Variants in DHDH observed in about 807,000 individuals in gnomAD.
DHDH encodes trans-1,2-dihydrobenzene-1,2-diol dehydrogenase.
DHDH carries 29 observed loss-of-function variants against 33.2 expected under a neutral mutation model. That is an observed-to-expected ratio of 0.87 (90% confidence interval 0.65 to 1.19). The LOEUF is 1.19. DHDH is among the 50% of genes most tolerant of loss of function. DHDH has a pLI of 0.00. For synonymous variants in DHDH, 201 were observed against 187.9 expected (o/e 1.07, Z -0.57); for missense variants, 431 against 455.0 (o/e 0.95, Z 0.48).
intron 1 of DHDH, among the ~76,000 whole-genome samples, chr19:48,934,260 C>T (rs536959758): frequency 1.8e-3 from 267 of 152,346 alleles, no homozygotes; most frequent in Non-Finnish European, 2.0e-3. Flanking sequence ...GCACATTGCA[C>T]TGCGGAAAGC....
intron 3 of DHDH, among the ~76,000 whole-genome samples, chr19:48,936,714 AC>A (rs796441015): frequency 0.011 from 1,458 of 132,630 alleles, 20 homozygotes; most frequent in African/African-American, 0.027. Flanking sequence ...AAAAAAACAA[AC>A]AAAAAAAAAA....
rs748336676 is a variant in DHDH at position 48,944,930 on chromosome 19, C to T, written c.1002C>T (p.Arg334=). The change falls in exon 7 of 7, where the codon CGC becomes CGT. Residue 334 remains arginine, a synonymous_variant. Transcript: ENST00000221403. The part of the protein sequence containing the change: ...AIGVTFPQDK[R] ...GAGTCACCTTCCCCCAAGACAAACG[C>T]TGATGTATCCCCGAATAAATAAAGA... 2 of 1,613,350 alleles carry T rather than the reference C, an allele frequency of 1.2e-6. No homozygotes were observed. The highest frequency in any genetic ancestry group is 2.2e-5 in the South Asian group (2 of 91,056).
In DHDH at chr19:48,935,634, G is replaced by C. The variant is rs576266722; in HGVS notation, c.203-398G>C. ...AGATGGAGACCATCCTGGCTAATACGGTGAAACCGCATCTCCACTAAAAAT... is the reference window on the plus strand; with the variant it reads ...AGATGGAGACCATCCTGGCTAATACCGTGAAACCGCATCTCCACTAAAAAT... On this transcript the variant is annotated intron_variant, in intron 2 of 6. Coordinates refer to ENST00000221403, the MANE Select transcript of DHDH (RefSeq NM_014475.4). Among the ~76,000 whole-genome samples the C allele has an allele frequency of 8.6e-4, 131 of 151,800 alleles. 1 individual carries two copies. The highest frequency in any genetic ancestry group is 3.1e-3 in the African/African-American group (129 of 41,414).
Position 48,939,680 on chromosome 19 carries a change from G to A in DHDH, c.598G>A (p.Val200Met), listed in dbSNP as rs35453148. ...GGQKPEKISV[V>M]GRRHETGVDD... ...GCAGAAGCCAGAGAAGATTTCTGTC[G>A]TGGGAAGGCGTCATGAAACAGGTAC... is the stretch of plus-strand genomic sequence containing the variant. The change falls in exon 4 of 7, where the codon GTG (valine) becomes ATG (methionine). Residue 200 changes from valine (V) to methionine (M), a missense_variant. Transcript: ENST00000221403. The A allele has an allele frequency of 8.5e-5, 136 of 1,602,220 alleles. 1 individual carries two copies. The highest frequency in any genetic ancestry group is 4.5e-4 in the East Asian group (20 of 44,578).
rs1260928273 is a variant in DHDH at position 48,933,808 on chromosome 19, C to T, written c.87C>T (p.His29=). ...TGCAGACGCTGCCTCGCTCTGAGCA[C>T]CAGGTCTGCCCGCCCTCCGGATTCT... The part of the protein sequence containing the change: ...AVLQTLPRSE[H]QVVAVAARDL... Residue 29 remains histidine, a synonymous_variant, in exon 1 of 7, where the codon CAC becomes CAT. Transcript: ENST00000221403. 6.2e-7 allele frequency: 1 copy of T among 1,608,782 alleles called. No individual in the cohort carries two copies. The highest frequency in any genetic ancestry group is 1.1e-5 in the South Asian group (1 of 91,080).
At chr19:48,933,872 A>C in intron 1 of DHDH, 61 bp downstream of exon 1, 1 of 1,512,340 alleles carries the variant, frequency 6.6e-7, no homozygotes, top group Non-Finnish European at 9.0e-7. Flanking sequence ...CAGAGTCTAA[A>C]GGAGGAGGGA....
intron 4 of DHDH, 116 bp downstream of exon 4, chr19:48,939,817 C>T: frequency 7.0e-7 from 1 of 1,423,526 alleles, no homozygotes; most frequent in Non-Finnish European, 9.4e-7. Flanking sequence ...CCTAGAGGAA[C>T]AACTTTCCAT....
At chr19:48,943,943 C>T (rs528590955) in intron 5 of DHDH, among the ~76,000 whole-genome samples, 2 of 151,586 alleles carry the variant, frequency 1.3e-5, no homozygotes, top group Non-Finnish European at 2.9e-5. Flanking sequence ...TGCAGTGAAC[C>T]GAGATTGATC....
chr19:48,944,111 G>C (rs1256011084), intron 5 of DHDH, among the ~76,000 whole-genome samples: 1 of 152,054 alleles, frequency 6.6e-6, no homozygotes, highest in Non-Finnish European at 1.5e-5. Context: ...AAGCTCCTAA[G>C]GTTAGGGAGA....
intron 6 of DHDH, 93 bp from the exon 7 acceptor site, chr19:48,944,731 T>C: frequency 7.9e-7 from 1 of 1,272,610 alleles, no homozygotes; most frequent in Non-Finnish European, 1.1e-6. Flanking sequence ...GCCTGAACCA[T>C]GTATATTGTG....
chr19:48,943,483 G>A (rs1268445058), intron 5 of DHDH, among the ~76,000 whole-genome samples: 2 of 151,916 alleles, frequency 1.3e-5, no homozygotes, highest in Non-Finnish European at 2.9e-5. Context: ...CTTGAGCTCA[G>A]GAATTCAAGA....
At chr19:48,934,892 A>C in intron 1 of DHDH, 108 bp from the exon 2 acceptor site, 1 of 789,246 alleles carries the variant, frequency 1.3e-6, no homozygotes, top group Non-Finnish European at 1.9e-6. Context: ...CTCTTCCCCC[A>C]GGACCACGTC....
At chr19:48,936,911 G>C (rs2037785722) in intron 3 of DHDH, among the ~76,000 whole-genome samples, 1 of 150,936 alleles carries the variant, frequency 6.6e-6, no homozygotes, top group South Asian at 2.1e-4. Context: ...AGCCTCCCAA[G>C]TAGCTGGGAC....
At chr19:48,944,233 A>C in intron 5 of DHDH, 124 bp from the exon 6 acceptor site, 1 of 1,321,598 alleles carries the variant, frequency 7.6e-7, no homozygotes, top group Non-Finnish European at 1.1e-6. Context: ...GGGGATGGAC[A>C]GGGCAAGCTC....
At chr19:48,940,253 G>T (rs1241804152) in intron 4 of DHDH, among the ~76,000 whole-genome samples, 1 of 151,950 alleles carries the variant, frequency 6.6e-6, no homozygotes, top group Non-Finnish European at 1.5e-5. Context: ...TATCTGGGAG[G>T]CTGAGGCAGG....
chr19:48,936,081 G>T lies in DHDH; in HGVS notation c.252G>T (p.Met84Ile). Residue 84 changes from methionine (M) to isoleucine (I), a missense_variant, in exon 3 of 7, where the codon ATG becomes ATT. By Grantham distance (10) the Met-to-Ile change is conservative (BLOSUM62 1). Coordinates refer to ENST00000221403, the MANE Select transcript of DHDH (RefSeq NM_014475.4). ...ACCCCCAGCACAAGGCGGCGGTGAT[G>T]CTGTGCTTGGCGGCGGGCAAGGCCG... ...TQHPQHKAAV[M>I]LCLAAGKAVL... 6.2e-7 allele frequency: 1 copy of T among 1,610,854 alleles called. No individual in the cohort carries two copies. Among genetic ancestry groups the T allele is most frequent in the East Asian group, 2.2e-5 (1 of 44,770 alleles).
intron 3 of DHDH, 59 bp downstream of exon 3, chr19:48,936,254 T>C (rs2037774082): frequency 6.6e-6 from 10 of 1,507,254 alleles, no homozygotes; most frequent in Non-Finnish European, 8.0e-6. Flanking sequence ...TTAAATATGG[T>C]TGCCAGTGCG....
intron 3 of DHDH, among the ~76,000 whole-genome samples, chr19:48,938,158 G>T (rs966699554): frequency 1.3e-5 from 2 of 152,070 alleles, no homozygotes; most frequent in African/African-American, 4.8e-5. Context: ...GTGCAATGGC[G>T]TGATCTCGGC....
At chr19:48,943,696 C>T (rs993085175) in intron 5 of DHDH, among the ~76,000 whole-genome samples, 1 of 152,056 alleles carries the variant, frequency 6.6e-6, no homozygotes, top group Admixed American at 6.6e-5. Flanking sequence ...TGTGGTGGTG[C>T]ATGCCTGTAA....
Sources: gnomAD v4.1 joint callset for allele counts (sites outside exome capture counted in the v4.1 genomes callset) on GRCh38, gnomAD v4.1.1 for gene constraint, MANE v1.5 for transcripts, NCBI Gene and HGNC (gene_info 2026-07-23, HGNC 2026-07-21) for gene names.